Variants in XIST observed in about 807,000 individuals in gnomAD.
XIST encodes the protein X inactive specific transcript (non-protein coding).
exon 1 of XIST, chrX:73,852,180 A>T (rs1254177255): frequency 3.7e-6 from 2 of 544,059 alleles, no homozygotes; most frequent in Non-Finnish European, 6.6e-6. Context: ...GATATCCGTC[A>T]CCCCGATGGG....
chrX:73,846,479 C>A (rs756828600), exon 1 of XIST: 1 of 559,031 alleles, frequency 1.8e-6, no homozygotes, highest in Non-Finnish European at 3.2e-6. Flanking sequence ...GAAAAGGGGA[C>A]TGCGTTATCA....
exon 6 of XIST, chrX:73,827,847 T>C (rs1281941955): frequency 9.5e-6 from 5 of 528,512 alleles, no homozygotes; most frequent in Non-Finnish European, 1.7e-5. Context: ...CACAGACCAC[T>C]CTTGTGAACA....
rs373606873 is a variant in XIST, at chrX:73,847,695, A to G, written n.5029T>C. ...GAAATGTCTTAGACAATTGAAATCA[A>G]TTAGGCAATTGAAAATATGCACATT... is the stretch of plus-strand genomic sequence containing the variant. On this transcript the variant is annotated non_coding_transcript_exon_variant, in exon 1 of 6. Transcript: ENST00000429829. The G allele has an allele frequency of 1.9e-4, 104 of 540,452 alleles. 4 individuals carry two copies. The highest frequency in any genetic ancestry group is 1.7e-3 in the East Asian group (50 of 30,278). 44.5% of individuals were successfully genotyped at this position (540,452 alleles called of 1,213,427 possible).
chrX:73,838,053 A>G (rs1922517945), intron 1 of XIST, among the ~76,000 whole-genome samples: 1 of 111,855 alleles, frequency 8.9e-6, no homozygotes, highest in Non-Finnish European at 1.9e-5. Flanking sequence ...AATCTGCTGT[A>G]AAAAATAAGT....
chrX:73,841,395 G>A, exon 1 of XIST: 2 of 530,949 alleles, frequency 3.8e-6, no homozygotes, highest in Non-Finnish European at 6.7e-6. Flanking sequence ...ATTCTAAAGA[G>A]CCAGAGACTC....
chrX:73,825,455 T>C (rs1178071260), exon 6 of XIST: 1 of 530,272 alleles, frequency 1.9e-6, no homozygotes, highest in East Asian at 3.4e-5. Flanking sequence ...TTTTTTCAGG[T>C]CACCTAGATA....
exon 6 of XIST, chrX:73,826,996 G>T (rs753630987): frequency 1.8e-6 from 1 of 556,772 alleles, no homozygotes; most frequent in East Asian, 3.3e-5. Context: ...TGAGGCTTTT[G>T]TTGGTTTCAG....
chrX:73,844,867 T>C (rs766222535), exon 1 of XIST: 1 of 556,736 alleles, frequency 1.8e-6, no homozygotes, highest in Non-Finnish European at 3.2e-6. Flanking sequence ...TTGTGCACCT[T>C]GACTGTCCAA....
chrX:73,850,775 G>T (rs1472593463), exon 1 of XIST: 1 of 494,801 alleles, frequency 2.0e-6, no homozygotes, highest in Non-Finnish European at 3.6e-6. Context: ...TGGGGGGGGA[G>T]GTATACTTAG....
At chrX:73,822,146 G>A (rs1362256581) in exon 6 of XIST, 1 of 559,084 alleles carries the variant, frequency 1.8e-6, no homozygotes, top group Non-Finnish European at 3.2e-6. Flanking sequence ...TGAGACTGGG[G>A]TTTGGGAATT....
At chrX:73,833,038 T>G (rs192638549) in intron 3 of XIST, among the ~76,000 whole-genome samples, 1 of 110,065 alleles carries the variant, frequency 9.1e-6, no homozygotes, top group African/African-American at 3.3e-5. Flanking sequence ...CGTACCACCA[T>G]GCCCAACTAA....
intron 1 of XIST, chrX:73,837,641 A>T: frequency 2.4e-6 from 1 of 415,110 alleles, no homozygotes; most frequent in Non-Finnish European, 4.2e-6. Flanking sequence ...ACTGGGAAAA[A>T]CTGGGTGTGA....
exon 1 of XIST, chrX:73,848,234 G>A (rs753587680): frequency 3.6e-6 from 2 of 556,370 alleles, no homozygotes; most frequent in Non-Finnish European, 6.5e-6. Flanking sequence ...TAAGACAAAA[G>A]GAATATGAGG....
chrX:73,851,186 T>C, exon 1 of XIST: 1 of 559,379 alleles, frequency 1.8e-6, no homozygotes, highest in Non-Finnish European at 3.2e-6. Context: ...CCGCTCTGCG[T>C]GGCACTAGGC....
chrX:73,821,091 C>A (rs1384614634), exon 6 of XIST: 1 of 556,898 alleles, frequency 1.8e-6, no homozygotes, highest in Non-Finnish European at 3.2e-6. Context: ...CATTCCCCAT[C>A]CCCAGCTGAA....
exon 6 of XIST, chrX:73,827,602 G>A (rs746310444): frequency 5.5e-6 from 3 of 548,243 alleles, no homozygotes; most frequent in Non-Finnish European, 9.9e-6. Flanking sequence ...TCAGAAAAAA[G>A]GTGAAATTTA....
chrX:73,848,700 AT>A (rs1227439726), exon 1 of XIST: 1 of 558,591 alleles, frequency 1.8e-6, no homozygotes, highest in Non-Finnish European at 3.2e-6. Context: ...TGGGGTGAGA[AT>A]CCATTTTTAT....
At chrX:73,837,836 C>T (rs1490875102) in intron 1 of XIST, among the ~76,000 whole-genome samples, 5 of 111,433 alleles carry the variant, frequency 4.5e-5, no homozygotes, top group African/African-American at 1.3e-4. Context: ...TTCTACAGTA[C>T]GTACCATCAT....
chrX:73,844,954 C>T (rs746733631), exon 1 of XIST: 8 of 553,467 alleles, frequency 1.4e-5, no homozygotes, highest in South Asian at 9.0e-5. Flanking sequence ...GCAGGGGAGG[C>T]TTCCATGTCT....
Sources: gnomAD v4.1 joint callset for allele counts (sites outside exome capture counted in the v4.1 genomes callset) on GRCh38, gnomAD v4.1.1 for gene constraint, MANE v1.5 for transcripts, NCBI Gene and HGNC (gene_info 2026-07-23, HGNC 2026-07-21) for gene names.